Variants in EIF4A2 observed in about 807,000 individuals in gnomAD.
The protein encoded by EIF4A2 is eukaryotic initiation factor 4A-II.
EIF4A2 carries 9 observed loss-of-function variants against 50.6 expected under a neutral mutation model. The observed-to-expected ratio is 0.18, with a 90% CI of 0.11 to 0.31. EIF4A2 has a LOEUF of 0.31. EIF4A2 is among the 10% of genes least tolerant of loss of function. The probability of loss-of-function intolerance (pLI) is 1.00; values close to 1 mark genes in which losing one functional copy is unlikely to be tolerated. For missense variants in EIF4A2, 182 were observed against 501.8 expected (o/e 0.36, Z 6.09); for synonymous variants, 215 against 164.4 (o/e 1.31, Z -2.35).
At position 186,784,481 on chromosome 3, in the gene EIF4A2, A is replaced by G. The variant is rs1721574109; in HGVS notation, c.75+4A>G. 1.2e-6 allele frequency: 2 copies of G among 1,614,136 alleles called. No individual in the cohort carries two copies. The highest frequency in any genetic ancestry group is 1.7e-6 in the Non-Finnish European group (2 of 1,180,048). ...GGACCCCGATGGTGTCATCGAGGTA[A>G]GAAACGGTTGTGGATCTTGAAGCTT... is the stretch of plus-strand genomic sequence containing the variant. On this transcript the variant is annotated splice_donor_region_variant and intron_variant, in intron 2 of 10. Transcript: ENST00000323963.
At chr3:186,788,241 C>A in intron 10 of EIF4A2, 4 of 1,250,334 alleles carry the variant, frequency 3.2e-6, no homozygotes, top group Non-Finnish European at 3.2e-6. Flanking sequence ...GTTATAGTGG[C>A]TTTATCCCTA....
chr3:186,786,654 C>CTA lies in EIF4A2; in HGVS notation c.771+10_771+11insAT. ...TTAATGTTGAGAGAGAGGTAACTGT[C>CTA]TGATTGTTAGACATTATTTTACCTT... On this transcript the variant is annotated intron_variant, in intron 7 of 10. Transcript: ENST00000323963. The CTA allele has an allele frequency of 6.2e-7, 1 of 1,613,514 alleles. No individual in the cohort carries two copies. Among genetic ancestry groups the CTA allele is most frequent in the East Asian group, 2.2e-5 (1 of 44,856 alleles).
chr3:186,789,538 T>G lies in EIF4A2; in HGVS notation c.*269T>G. 2.7e-6 allele frequency: 1 copy of G among 375,482 alleles called. No homozygotes were observed. Among genetic ancestry groups the G allele is most frequent in the Non-Finnish European group, 4.7e-6 (1 of 210,590 alleles). The allele number at this position is 375,482 out of a possible 1,614,324, so 23.3% of individuals were successfully genotyped here. A position where few individuals can be genotyped will look rare whatever the true frequency, so the allele number is the denominator to read the frequency against. On this transcript the variant is annotated 3_prime_UTR_variant, in exon 11 of 11. Coordinates refer to ENST00000323963, the MANE Select transcript of EIF4A2 (RefSeq NM_001967.4). ...TCTTTCTTAGAAATTTATTTCCTAG[T>G]TCTGTAGAAATGGTTGTATTAGATG...
intron 4 of EIF4A2, chr3:186,785,588 A>G (rs1202362276): frequency 2.8e-6 from 1 of 361,820 alleles, no homozygotes; most frequent in Non-Finnish European, 5.0e-6. Context: ...ACAGAACATA[A>G]ATTTCACTAC....
chr3:186,788,644 T>A (rs183632502), intron 10 of EIF4A2: 61 of 237,518 alleles, frequency 2.6e-4, no homozygotes, highest in Non-Finnish European at 4.6e-4. Context: ...AAGTTTGGGT[T>A]ACCATACCAA....
At position 186,789,695 on chromosome 3, in the gene EIF4A2, T is replaced by A. The variant is rs1722001954; in HGVS notation, c.*426T>A. The stretch of plus-strand genomic sequence containing the variant: ...AGCCTGAGTAGAAAGGCCTTTAAAA[T>A]TTTTTTAGAAAGCATTTGAATGCAT... On this transcript the variant is annotated 3_prime_UTR_variant, in exon 11 of 11. Transcript: ENST00000323963. 2.7e-6 allele frequency: 1 copy of A among 376,744 alleles called. No individual in the cohort carries two copies. The highest frequency in any genetic ancestry group is 4.3e-5 in the East Asian group (1 of 23,274). The allele number at this position is 376,744 out of a possible 1,614,324, so 23.3% of individuals were successfully genotyped here.
Position 186,789,348 on chromosome 3 carries a change from T to G in EIF4A2, c.*79T>G. 1 of 1,507,666 alleles carries G rather than the reference T, an allele frequency of 6.6e-7. No homozygotes were observed. The highest frequency in any genetic ancestry group is 8.9e-7 in the Non-Finnish European group (1 of 1,124,804). 93.4% of individuals were successfully genotyped at this position (1,507,666 alleles called of 1,614,324 possible). A position where few individuals can be genotyped will look rare whatever the true frequency, so the allele number is the denominator to read the frequency against. On this transcript the variant is annotated 3_prime_UTR_variant, in exon 11 of 11. Coordinates refer to ENST00000323963, the MANE Select transcript of EIF4A2 (RefSeq NM_001967.4). The stretch of plus-strand genomic sequence containing the variant: ...ACAACGTGCATTGTGCTTCTTTCTT[T>G]GGGAATATTTGAATCTTGTCTCAAT...
chr3:186,789,104 C>G, intron 10 of EIF4A2, 21 bp from the exon 11 acceptor site: 1 of 1,610,066 alleles, frequency 6.2e-7, no homozygotes. Flanking sequence ...AAGTAACGTT[C>G]TGATTCTTTT....
intron 1 of EIF4A2, chr3:186,784,103 G>A (rs1721540104): frequency 4.2e-6 from 2 of 480,754 alleles, no homozygotes; most frequent in South Asian, 4.7e-5. Context: ...GTGAACCGTT[G>A]GCATCGCCCT....
In EIF4A2 at chr3:186,784,689, T is replaced by C. The variant is rs1560083676; in HGVS notation, c.201T>C (p.Cys67=). The part of the protein sequence containing the change: ...SAIQQRAIIP[C]IKGYDVIAQA... ...TTCAGCAGAGAGCTATTATTCCCTG[T>C]ATTAAAGGTAAAAGAAACTGGCATT... The change falls in exon 3 of 11, where the codon TGT becomes TGC. Residue 67 remains cysteine (C), a synonymous_variant. Transcript: ENST00000323963. 1 of 1,613,672 alleles carries C rather than the reference T, an allele frequency of 6.2e-7. No homozygotes were observed. Among genetic ancestry groups the C allele is most frequent in the East Asian group, 2.2e-5 (1 of 44,872 alleles).
intron 10 of EIF4A2, 27 bp downstream of exon 10, chr3:186,787,909 T>A (rs757669356): frequency 4.4e-6 from 7 of 1,608,948 alleles, no homozygotes; most frequent in African/African-American, 1.3e-5. Context: ...TTGGCTGTAT[T>A]GAAAAAAATT....
rs1721771798 is a variant in EIF4A2 at position 186,787,053 on chromosome 3, G to C, written c.772-74G>C. ...GATTACAGGCATTAGCACTGTGGCT[G>C]GCCCAGAATGAATTTTTAACTGAAG... On this transcript the variant is annotated intron_variant, in intron 7 of 10. Transcript: ENST00000323963. 6 of 1,591,258 alleles carry C rather than the reference G, an allele frequency of 3.8e-6. No homozygotes were observed. The East Asian group carries it at 1.3e-4, about 36-fold the overall frequency.
Position 186,784,687 on chromosome 3 carries a change from T to G in EIF4A2, c.199T>G (p.Cys67Gly). 1 of 1,613,968 alleles carries G rather than the reference T, an allele frequency of 6.2e-7. No individual in the cohort carries two copies. The highest frequency in any genetic ancestry group is 8.5e-7 in the Non-Finnish European group (1 of 1,179,912). The stretch of plus-strand genomic sequence containing the variant: ...TATTCAGCAGAGAGCTATTATTCCC[T>G]GTATTAAAGGTAAAAGAAACTGGCA... The part of the protein sequence containing the change: ...SAIQQRAIIP[C>G]IKGYDVIAQA... The change falls in exon 3 of 11, where the codon TGT becomes GGT. Residue 67 changes from cysteine to glycine, a missense_variant. Coordinates refer to ENST00000323963, the MANE Select transcript of EIF4A2 (RefSeq NM_001967.4).
intron 10 of EIF4A2, chr3:186,788,338 T>C: frequency 7.7e-7 from 1 of 1,290,382 alleles, no homozygotes; most frequent in South Asian, 1.2e-5. Context: ...GGTGACGAGA[T>C]GGCACTCAGA....
chr3:186,786,131 C>T (rs772215090), intron 5 of EIF4A2, 33 bp from the exon 6 acceptor site: 13 of 1,607,882 alleles, frequency 8.1e-6, no homozygotes, highest in Non-Finnish European at 1.1e-5. Flanking sequence ...CTGAGTAGAT[C>T]TAGAAATGAC....
chr3:186,788,506 T>C (rs965401015), intron 10 of EIF4A2: 8 of 1,083,372 alleles, frequency 7.4e-6, no homozygotes, highest in African/African-American at 6.6e-5. Flanking sequence ...AGTATTTCTA[T>C]TAGGGAACCT....
At position 186,787,901 on chromosome 3, in the gene EIF4A2, G is replaced by C; in HGVS notation, c.1079+19G>C. 6.2e-7 allele frequency: 1 copy of C among 1,610,020 alleles called. No homozygotes were observed. Among genetic ancestry groups the C allele is most frequent in the Non-Finnish European group, 8.5e-7 (1 of 1,179,264 alleles). On this transcript the variant is annotated intron_variant, in intron 10 of 10. Transcript: ENST00000323963. ...TTCACAGGTGAGAAGCCAGCATCTT[G>C]GCTGTATTGAAAAAAATTCATACGT...
intron 10 of EIF4A2, chr3:186,788,149 C>T: frequency 6.0e-6 from 4 of 669,422 alleles, no homozygotes; most frequent in Non-Finnish European, 9.4e-6. Flanking sequence ...TTCTTGTGTC[C>T]ATGTGTTTTT....
chr3:186,787,350 C>T, intron 8 of EIF4A2, 86 bp downstream of exon 8: 6 of 1,612,060 alleles, frequency 3.7e-6, no homozygotes, highest in Non-Finnish European at 4.2e-6. Context: ...TTGTCGTTCC[C>T]CCTGCTTAAA....
Sources: allele counts gnomAD v4.1 joint callset, GRCh38; gene constraint gnomAD v4.1.1; transcripts MANE v1.5; gene names NCBI Gene and HGNC (gene_info 2026-07-23, HGNC 2026-07-21).